Variants in CRX observed in about 807,000 individuals in gnomAD.
CRX encodes cone-rod homeobox protein.
In CRX, 5 loss-of-function variants were observed where a neutral mutation model predicts 13.1. That is an observed-to-expected ratio of 0.38 (90% CI 0.20 to 0.80). The LOEUF is 0.80. Ranked by LOEUF, CRX falls within the 30% of genes least tolerant of loss-of-function variation. The pLI, the probability that CRX is intolerant of heterozygous loss-of-function variation, is 0.43. For synonymous variants in CRX, 179 were observed against 171.1 expected (o/e 1.05, Z -0.36); for missense variants, 351 against 391.8 (o/e 0.90, Z 0.88).
rs1021954337 is a variant in CRX at position 47,841,897 on chromosome 19, A to G, written c.*1930A>G. ...GGCAGGAAGACAGTGGTGTGCTGGC[A>G]GAGGTCTAACAATGGGCTCTCCAAG... On this transcript the variant is annotated 3_prime_UTR_variant, in exon 4 of 4. Transcript: ENST00000221996. 1 of 152,000 alleles carries G rather than the reference A, an allele frequency of 6.6e-6. No homozygotes were observed. The highest frequency in any genetic ancestry group is 1.5e-5 in the Non-Finnish European group (1 of 68,036). 9.4% of individuals were successfully genotyped at this position (152,000 alleles called of 1,614,324 possible). A position where few individuals can be genotyped will look rare whatever the true frequency, so the allele number is the denominator to read the frequency against.
At chr19:47,830,575 C>G (rs1377648847) in intron 1 of CRX, among the ~76,000 whole-genome samples, 1 of 151,888 alleles carries the variant, frequency 6.6e-6, no homozygotes, top group Non-Finnish European at 1.5e-5. Context: ...GTGGCGGGTG[C>G]CTGAGGTCAG....
In CRX at chr19:47,839,752, C is replaced by A. The variant is rs750495745; in HGVS notation, c.685C>A (p.Leu229Ile). ...CTACCTTTCTCCCATGGTGCCCCAG[C>A]TAGGGGGCCCGGCTCTTAGCCCCCT... is the stretch of plus-strand genomic sequence containing the variant. ...DPYLSPMVPQ[L>I]GGPALSPLSG... Residue 229 changes from leucine (L) to isoleucine (I), a missense_variant, in exon 4 of 4, where the codon CTA (leucine) becomes ATA (isoleucine). Transcript: ENST00000221996. The surrounding 1 kb of genome is among the most constrained non-coding windows in gnomAD (Gnocchi z 4.6). 43 of 1,613,946 alleles carry A rather than the reference C, an allele frequency of 2.7e-5. No homozygotes were observed. The highest frequency in any genetic ancestry group is 3.5e-5 in the Non-Finnish European group (41 of 1,179,966).
chr19:47,826,351 C>T (rs1045975205), intron 1 of CRX, among the ~76,000 whole-genome samples: 1 of 152,068 alleles, frequency 6.6e-6, no homozygotes, highest in Admixed American at 6.6e-5. Flanking sequence ...TGCCTGTAAT[C>T]TCAGCAATTT....
chr19:47,830,175 G>T (rs1014833349), intron 1 of CRX, among the ~76,000 whole-genome samples: 14 of 151,990 alleles, frequency 9.2e-5, no homozygotes, highest in African/African-American at 3.4e-4. Flanking sequence ...CAGGTGTGGT[G>T]GCTCATGTCT....
chr19:47,838,665 G>A (rs538645811), intron 3 of CRX, among the ~76,000 whole-genome samples: 11 of 152,218 alleles, frequency 7.2e-5, no homozygotes, highest in Admixed American at 3.3e-4. Flanking sequence ...ATGGGTAAAC[G>A]TATGCATGAT....
rs776232503 is a variant in CRX, at chr19:47,839,660, C to T, written c.593C>T (p.Ala198Val). ...SAPYAMTYAP[A>V]SAFCSSPSAY... ...CCCTATGCCATGACCTACGCCCCGG[C>T]CTCCGCTTTCTGCTCTTCCCCCTCC... The change falls in exon 4 of 4, where the codon GCC (alanine) becomes GTC (valine). Residue 198 changes from alanine to valine, a missense_variant. By Grantham distance (64) the Ala-to-Val change is moderately conservative. This residue lies in a region of CRX where 253 missense variants were observed against 268.3 expected (regional missense o/e 0.94). Coordinates refer to ENST00000221996, the MANE Select transcript of CRX (RefSeq NM_000554.6). The surrounding 1 kb of genome is among the most constrained non-coding windows in gnomAD (Gnocchi z 4.6). The T allele has an allele frequency of 1.2e-6, 2 of 1,613,552 alleles. No individual in the cohort carries two copies. Among genetic ancestry groups the T allele is most frequent in the African/African-American group, 1.3e-5 (1 of 75,024 alleles).
In CRX at chr19:47,833,085, G is replaced by A. The variant is rs1301437417; in HGVS notation, c.-35-1324G>A. Among the ~76,000 whole-genome samples, 21 of 131,174 alleles carry A rather than the reference G, an allele frequency of 1.6e-4. No individual in the cohort carries two copies. The Admixed American group carries it at 1.7e-3, about 10-fold the overall frequency. The allele number at this position is 131,174 out of a possible 152,430, so 86.1% of individuals were successfully genotyped here. On this transcript the variant is annotated intron_variant, in intron 1 of 3. Coordinates refer to ENST00000221996, the MANE Select transcript of CRX (RefSeq NM_000554.6). ...GTCTATTTCTTTTTCTTTTTTCAGA[G>A]ATGGGGGGTCTCACTATTTCTTTTT... is the stretch of plus-strand genomic sequence containing the variant.
intron 1 of CRX, among the ~76,000 whole-genome samples, chr19:47,828,740 G>A (rs903777244): frequency 1.7e-4 from 26 of 151,764 alleles, no homozygotes; most frequent in African/African-American, 5.6e-4. Flanking sequence ...GGGGAGAGGC[G>A]TTCCTAGCCC....
At chr19:47,836,496 C>T (rs1391509535) in intron 3 of CRX, 102 bp downstream of exon 3, 13 of 1,479,232 alleles carry the variant, frequency 8.8e-6, no homozygotes, top group South Asian at 6.9e-5. Context: ...CACAGAGTGA[C>T]AGCCAAAGTT....
rs1968091014 is a variant in CRX at position 47,834,414 on chromosome 19, C to T, written c.-30C>T. ...TCCCTCCTCTTCTCTTGCAGGCCCC[C>T]TGACTTGGGCCTCAGTGTCCCCGAA... On this transcript the variant is annotated 5_prime_UTR_variant, in exon 2 of 4. Coordinates refer to ENST00000221996, the MANE Select transcript of CRX (RefSeq NM_000554.6). 1 of 1,542,350 alleles carries T rather than the reference C, an allele frequency of 6.5e-7. No individual in the cohort carries two copies. Among genetic ancestry groups the T allele is most frequent in the South Asian group, 1.1e-5 (1 of 89,614 alleles).
At position 47,835,772 on chromosome 19, in the gene CRX, C is replaced by A. The variant is rs137992229; in HGVS notation, c.101-471C>A. Reference sequence around the variant, plus strand: ...GAGTAGCTGGGACTACAGGCATGCACCACCACACCTGGCTAATTTTTTGTA... The same window carrying A: ...GAGTAGCTGGGACTACAGGCATGCAACACCACACCTGGCTAATTTTTTGTA... On this transcript the variant is annotated intron_variant, in intron 2 of 3. Transcript: ENST00000221996. 3.2e-3 allele frequency among the ~76,000 whole-genome samples: 488 copies of A among 152,036 alleles called. 2 individuals carry two copies. The highest frequency in any genetic ancestry group is 0.011 in the African/African-American group (462 of 41,482).
Position 47,841,717 on chromosome 19 carries a change from C to G in CRX, c.*1750C>G, listed in dbSNP as rs1968199753. The G allele has an allele frequency of 6.6e-6, 1 of 151,888 alleles. No individual in the cohort carries two copies. 9.4% of individuals were successfully genotyped at this position (151,888 alleles called of 1,614,324 possible). On this transcript the variant is annotated 3_prime_UTR_variant, in exon 4 of 4. Transcript: ENST00000221996. ...GACACTGGCAAGCACTTGTGAGAACCTGAAGACGGATTGAGGTCATTTGAT... is the reference window on the plus strand; with the variant it reads ...GACACTGGCAAGCACTTGTGAGAACGTGAAGACGGATTGAGGTCATTTGAT...
intron 3 of CRX, among the ~76,000 whole-genome samples, chr19:47,837,692 T>C (rs1968134746): frequency 6.6e-6 from 1 of 152,156 alleles, no homozygotes; most frequent in South Asian, 2.1e-4. Context: ...TATGATTAGA[T>C]AGATCCATTA....
intron 1 of CRX, among the ~76,000 whole-genome samples, chr19:47,824,982 A>T (rs1186704083): frequency 1.3e-4 from 11 of 87,186 alleles, no homozygotes; most frequent in Non-Finnish European, 1.9e-4. Flanking sequence ...TCCTCTTTCG[A>T]TTGATTGATT....
In CRX at chr19:47,839,485, G is replaced by C. The variant is rs764073868; in HGVS notation, c.418G>C (p.Asp140His). The change falls in exon 4 of 4, where the codon GAT (aspartate) becomes CAT (histidine). Residue 140 changes from aspartate to histidine, a missense_variant. Physicochemically the swap from Asp to His is moderately conservative, Grantham distance 81. This residue lies in a region of CRX where 253 missense variants were observed against 268.3 expected (regional missense o/e 0.94). Transcript: ENST00000221996. The surrounding 1 kb of genome is among the most constrained non-coding windows in gnomAD (Gnocchi z 4.6). ...GTGTCCAGACCCTCTGGGCATCTCA[G>C]ATTCCTACAGTCCCCCTCTGCCCGG... ...DVCPDPLGISDSYSPPLPGPS... is the reference protein window; with the variant it reads ...DVCPDPLGISHSYSPPLPGPS... 15 of 1,613,886 alleles carry C rather than the reference G, an allele frequency of 9.3e-6. No homozygotes were observed. Among genetic ancestry groups the C allele is most frequent in the Non-Finnish European group, 1.3e-5 (15 of 1,179,958 alleles).
intron 2 of CRX, among the ~76,000 whole-genome samples, chr19:47,835,459 T>A (rs11667607): frequency 0.34 from 51,441 of 150,632 alleles, 9,200 homozygotes; most frequent in Non-Finnish European, 0.4. Flanking sequence ...ATCTTGGCTC[T>A]TTGCAACTTT....
At chr19:47,831,905 G>C (rs1244297888) in intron 1 of CRX, among the ~76,000 whole-genome samples, 1 of 151,492 alleles carries the variant, frequency 6.6e-6, no homozygotes, top group Non-Finnish European at 1.5e-5. Context: ...ACCACGCCCG[G>C]ATAATTTTTG....
At chr19:47,837,639 T>A (rs1188764058) in intron 3 of CRX, among the ~76,000 whole-genome samples, 6 of 147,998 alleles carry the variant, frequency 4.1e-5, no homozygotes, top group Admixed American at 6.9e-5. Flanking sequence ...TATTTGTATG[T>A]TTGTATAATC....
At chr19:47,834,753 AG>A (rs1968095786) in intron 2 of CRX, among the ~76,000 whole-genome samples, 1 of 152,186 alleles carries the variant, frequency 6.6e-6, no homozygotes, top group Admixed American at 6.5e-5. Context: ...GGTGAGGAAG[AG>A]GGGATGTAAT....
Sources: allele counts gnomAD v4.1 joint callset (sites outside exome capture counted in the v4.1 genomes callset), GRCh38; gene constraint gnomAD v4.1.1; regional missense constraint gnomAD v4.1.1; non-coding constraint Gnocchi (gnomAD v3.1); transcripts MANE v1.5; gene names NCBI Gene and HGNC (gene_info 2026-07-23, HGNC 2026-07-21).